The following CCSER2 variants were observed in gnomAD, a reference collection of about 807,000 sequenced individuals.
The protein encoded by CCSER2 is serine-rich coiled-coil domain-containing protein 2.
A neutral mutation model predicts 92.3 loss-of-function variants in CCSER2; 46 were observed. The ratio of observed to expected loss-of-function variants is 0.50; its 90% CI spans 0.39 to 0.64. The LOEUF (loss-of-function observed/expected upper bound fraction) is 0.64. CCSER2 is among the 30% of genes least tolerant of loss of function. CCSER2 has a pLI of 0.00. For missense variants in CCSER2, 1,244 were observed against 1,238.9 expected, an observed-to-expected ratio of 1.00 and a Z score of -0.06; for synonymous variants, 433 against 431.4, an observed-to-expected ratio of 1.00 and a Z score of -0.04.
intron 3 of CCSER2, among the ~76,000 whole-genome samples, chr10:84,402,252 C>G (rs1285054599): frequency 6.6e-6 from 1 of 152,176 alleles, no homozygotes; most frequent in Non-Finnish European, 1.5e-5. Context: ...CGTATGAGCA[C>G]TCTTTTGTCT....
At chr10:84,492,124 A>G (rs1342114967) in intron 9 of CCSER2, among the ~76,000 whole-genome samples, 1 of 152,176 alleles carries the variant, frequency 6.6e-6, no homozygotes, top group South Asian at 2.1e-4. Flanking sequence ...CTAAAAATAC[A>G]AAATATTATC....
At chr10:84,490,336 T>C (rs1394499204) in intron 9 of CCSER2, among the ~76,000 whole-genome samples, 7 of 152,198 alleles carry the variant, frequency 4.6e-5, no homozygotes, top group Non-Finnish European at 1.0e-4. Context: ...GCAGGGTGTT[T>C]TCCAACTTGG....
At chr10:84,400,194 T>A (rs1352624876) in intron 3 of CCSER2, among the ~76,000 whole-genome samples, 7 of 152,184 alleles carry the variant, frequency 4.6e-5, no homozygotes, top group Non-Finnish European at 8.8e-5. Context: ...CTTGATAATG[T>A]CCTTTGATAT....
Position 84,417,767 on chromosome 10 carries a change from A to G in CCSER2, c.1615-4A>G. 6.8e-7 allele frequency: 1 copy of G among 1,467,254 alleles called. No homozygotes were observed. The highest frequency in any genetic ancestry group is 9.6e-7 in the Non-Finnish European group (1 of 1,046,350). The allele number at this position is 1,467,254 out of a possible 1,614,324, so 90.9% of individuals were successfully genotyped here. A position where few individuals can be genotyped will look rare whatever the true frequency, so the allele number is the denominator to read the frequency against. On this transcript the variant is annotated splice_region_variant and splice_polypyrimidine_tract_variant and intron_variant, in intron 3 of 9. Coordinates refer to ENST00000372088, the MANE Select transcript of CCSER2 (RefSeq NM_001284240.2). Reference sequence around the variant, plus strand: ...GGTATATTTTTTACTGCTTTTGTTCACAGGATATTTTGAATAATCTTGAAT... The same window carrying G: ...GGTATATTTTTTACTGCTTTTGTTCGCAGGATATTTTGAATAATCTTGAAT...
intron 6 of CCSER2, among the ~76,000 whole-genome samples, chr10:84,447,019 T>C (rs1158113855): frequency 1.3e-5 from 2 of 152,068 alleles, no homozygotes; most frequent in East Asian, 3.9e-4. Flanking sequence ...GTCCATTTTG[T>C]TTGTTTCCAG....
intron 1 of CCSER2, among the ~76,000 whole-genome samples, chr10:84,336,249 A>T (rs1212190330): frequency 6.6e-6 from 1 of 152,180 alleles, no homozygotes; most frequent in East Asian, 1.9e-4. Flanking sequence ...TCATTCATTC[A>T]TTCAAGAAAT....
At chr10:84,427,513 C>G (rs1351695181) in intron 5 of CCSER2, among the ~76,000 whole-genome samples, 1 of 152,182 alleles carries the variant, frequency 6.6e-6, no homozygotes, top group Non-Finnish European at 1.5e-5. Flanking sequence ...TCTAAAACTT[C>G]CTGAGTATTG....
intron 9 of CCSER2, among the ~76,000 whole-genome samples, chr10:84,479,979 G>T (rs1426631688): frequency 5.3e-5 from 8 of 152,156 alleles, no homozygotes; most frequent in African/African-American, 1.9e-4. Context: ...GCCCAGGTTT[G>T]CACTGCATGG....
At chr10:84,339,836 C>CT (rs1564577712) in intron 1 of CCSER2, among the ~76,000 whole-genome samples, 1 of 147,640 alleles carries the variant, frequency 6.8e-6, no homozygotes, top group Non-Finnish European at 1.5e-5. Flanking sequence ...ATCACTTTAT[C>CT]TTTTTTATTT....
intron 6 of CCSER2, among the ~76,000 whole-genome samples, chr10:84,457,335 TTA>T (rs1422339572): frequency 2.3e-5 from 1 of 43,516 alleles, no homozygotes; most frequent in Non-Finnish European, 4.8e-5. Context: ...ATATAATATA[TTA>T]TATATTATAT....
At chr10:84,329,971 A>G (rs1016685703) in intron 1 of CCSER2, among the ~76,000 whole-genome samples, 1 of 152,258 alleles carries the variant, frequency 6.6e-6, no homozygotes, top group Non-Finnish European at 1.5e-5. Context: ...GCCATAATTC[A>G]TACTGTCGTA....
intron 1 of CCSER2, among the ~76,000 whole-genome samples, chr10:84,367,938 T>G (rs1845868840): frequency 6.6e-6 from 1 of 152,188 alleles, no homozygotes; most frequent in Admixed American, 6.5e-5. Flanking sequence ...AAGACTTCGC[T>G]TTTGCCCTTC....
intron 3 of CCSER2, among the ~76,000 whole-genome samples, chr10:84,387,130 A>G (rs1841258691): frequency 6.6e-6 from 1 of 152,164 alleles, no homozygotes; most frequent in Non-Finnish European, 1.5e-5. Context: ...TACTACTGCT[A>G]CCTTGCCTAC....
chr10:84,445,172 G>C (rs578180453), intron 6 of CCSER2, among the ~76,000 whole-genome samples: 223 of 151,738 alleles, frequency 1.5e-3, no homozygotes, highest in Non-Finnish European at 2.6e-3. Context: ...TTTTTTTTCT[G>C]AGTTGGAGTC....
intron 6 of CCSER2, among the ~76,000 whole-genome samples, chr10:84,461,323 C>A (rs1846086950): frequency 6.6e-6 from 1 of 152,270 alleles, no homozygotes; most frequent in Admixed American, 6.5e-5. Flanking sequence ...TTTCTCAAAT[C>A]TGTAGGTTTG....
intron 3 of CCSER2, among the ~76,000 whole-genome samples, chr10:84,386,224 A>G (rs1244949589): frequency 6.6e-6 from 1 of 152,254 alleles, no homozygotes; most frequent in Admixed American, 6.5e-5. Context: ...TTGATCCAGC[A>G]GTCCTACTAC....
intron 3 of CCSER2, among the ~76,000 whole-genome samples, chr10:84,416,694 C>T (rs557749662): frequency 3.9e-5 from 6 of 152,052 alleles, no homozygotes; most frequent in South Asian, 2.1e-4. Flanking sequence ...TTTGGGAGGC[C>T]GAGGCAGGCA....
chr10:84,445,192 C>T (rs962288527), intron 6 of CCSER2, among the ~76,000 whole-genome samples: 7 of 152,124 alleles, frequency 4.6e-5, no homozygotes, highest in South Asian at 4.1e-4. Flanking sequence ...CTTGCTCTGT[C>T]GCCCAGGCTG....
At chr10:84,510,524 A>G (rs769183421) in intron 9 of CCSER2, among the ~76,000 whole-genome samples, 31 of 152,184 alleles carry the variant, frequency 2.0e-4, no homozygotes, top group Admixed American at 2.6e-4. Context: ...TAAAAAGTGT[A>G]TGCTTTTTGA....
Sources: allele counts gnomAD v4.1 joint callset (sites outside exome capture counted in the v4.1 genomes callset), GRCh38; gene constraint gnomAD v4.1.1; transcripts MANE v1.5; gene names NCBI Gene and HGNC (gene_info 2026-07-23, HGNC 2026-07-21).